NPHP4: variants seen among roughly 807,000 people sequenced by gnomAD.
The protein encoded by NPHP4 is nephrocystin-4.
Under a neutral mutation model 155.8 loss-of-function variants are expected in NPHP4, and 151 were observed. The observed-to-expected ratio is 0.97, with a 90% CI of 0.85 to 1.11. NPHP4 has a LOEUF of 1.11. NPHP4 is among the 50% of genes least tolerant of loss of function. NPHP4 has a pLI of 0.00. For missense variants in NPHP4, 1,956 were observed against 1,925.7 expected (o/e 1.02, Z -0.29); for synonymous variants, 845 against 816.8 (o/e 1.03, Z -0.59).
intron 3 of NPHP4, among the ~76,000 whole-genome samples, chr1:5,973,970 G>A (rs981265372): frequency 2.6e-5 from 4 of 152,218 alleles, no homozygotes; most frequent in Non-Finnish European, 4.4e-5. Flanking sequence ...GCCCTCTGCC[G>A]AGCAACAGCA....
Position 5,862,994 on chromosome 1 carries a change from G to T in NPHP4, c.*271C>A. Reference sequence around the variant, plus strand: ...AACAGCGATAACGAGGGTCCCACATGCGTAGATGGCAGCACCAGAGCCAGA... The same window carrying T: ...AACAGCGATAACGAGGGTCCCACATTCGTAGATGGCAGCACCAGAGCCAGA... On this transcript the variant is annotated 3_prime_UTR_variant, in exon 30 of 30. Coordinates refer to ENST00000378156, the MANE Select transcript of NPHP4 (RefSeq NM_015102.5). 1.9e-6 allele frequency: 1 copy of T among 516,962 alleles called. No homozygotes were observed. The highest frequency in any genetic ancestry group is 3.5e-6 in the Non-Finnish European group (1 of 287,144). The allele number at this position is 516,962 out of a possible 1,614,324, so 32.0% of individuals were successfully genotyped here.
At chr1:5,888,701 C>A in intron 17 of NPHP4, 1 of 1,003,932 alleles carries the variant, frequency 1.0e-6, no homozygotes, top group Non-Finnish European at 1.4e-6. Context: ...CATTTTCCTC[C>A]CAAATCATTA....
Position 5,890,775 on chromosome 1 carries a change from C to A in NPHP4, c.2304+93G>T. On this transcript the variant is annotated intron_variant, in intron 17 of 29. Coordinates refer to ENST00000378156, the MANE Select transcript of NPHP4 (RefSeq NM_015102.5). The surrounding 1 kb of genome is among the most constrained non-coding windows in gnomAD (Gnocchi z 4.9). ...CAAACAAGTCCTGTGCGGGATAGCG[C>A]CCGCTCCTTCCAAGCAGACAGACGC... The A allele has an allele frequency of 7.9e-7, 1 of 1,263,390 alleles. No homozygotes were observed. The highest frequency in any genetic ancestry group is 2.6e-5 in the East Asian group (1 of 39,006). 78.3% of individuals were successfully genotyped at this position (1,263,390 alleles called of 1,614,324 possible). A position where few individuals can be genotyped will look rare whatever the true frequency, so the allele number is the denominator to read the frequency against.
chr1:5,891,515 A>T (rs556692851), intron 16 of NPHP4, among the ~76,000 whole-genome samples: 331 of 152,338 alleles, frequency 2.2e-3, no homozygotes, highest in African/African-American at 7.2e-3. Flanking sequence ...CCCCGTGGGT[A>T]TCCCGGGCTC....
chr1:5,980,632 C>T (rs1420975993), intron 2 of NPHP4, among the ~76,000 whole-genome samples: 4 of 151,968 alleles, frequency 2.6e-5, no homozygotes, highest in Non-Finnish European at 4.4e-5. Context: ...AGGAAGCAGG[C>T]ACCGCTGGGC....
At chr1:5,945,659 G>A (rs564193590) in intron 9 of NPHP4, among the ~76,000 whole-genome samples, 1 of 152,304 alleles carries the variant, frequency 6.6e-6, no homozygotes, top group Non-Finnish European at 1.5e-5. Context: ...CTCCTTCACA[G>A]GCTGTTCCTG....
intron 11 of NPHP4, among the ~76,000 whole-genome samples, chr1:5,917,019 C>T (rs1378692832): frequency 1.3e-5 from 2 of 152,258 alleles, no homozygotes; most frequent in Non-Finnish European, 1.5e-5. Context: ...GCGGCAGTGG[C>T]AGGGAAAGAC....
At chr1:5,868,782 C>T (rs374962193) in intron 23 of NPHP4, among the ~76,000 whole-genome samples, 23 of 130,016 alleles carry the variant, frequency 1.8e-4, no homozygotes, top group Non-Finnish European at 2.6e-4. Context: ...CATGCACACA[C>T]GCACACAATG....
intron 3 of NPHP4, among the ~76,000 whole-genome samples, chr1:5,974,322 G>A (rs1243523950): frequency 6.6e-6 from 1 of 152,142 alleles, no homozygotes; most frequent in African/African-American, 2.4e-5. Flanking sequence ...GGTTTAAGCT[G>A]TTGCTGGAGA....
At chr1:5,926,857 T>C (rs1186437647) in intron 11 of NPHP4, among the ~76,000 whole-genome samples, 1 of 152,204 alleles carries the variant, frequency 6.6e-6, no homozygotes, top group Non-Finnish European at 1.5e-5. Flanking sequence ...TTCCCTATCT[T>C]GCCATCTGGA....
In NPHP4 at chr1:5,890,816, T is replaced by C; in HGVS notation, c.2304+52A>G. 6.4e-7 allele frequency: 1 copy of C among 1,556,106 alleles called. No homozygotes were observed. On this transcript the variant is annotated intron_variant, in intron 17 of 29. Coordinates refer to ENST00000378156, the MANE Select transcript of NPHP4 (RefSeq NM_015102.5). The surrounding 1 kb of genome is among the most constrained non-coding windows in gnomAD (Gnocchi z 4.9). ...AGACAGACGCTGGAAGCGTGACTCGTCCCATGAGGGACGCAGCACCCACTG... is the reference window on the plus strand; with the variant it reads ...AGACAGACGCTGGAAGCGTGACTCGCCCCATGAGGGACGCAGCACCCACTG...
intron 2 of NPHP4, among the ~76,000 whole-genome samples, chr1:5,983,911 C>A (rs1010704294): frequency 6.6e-6 from 1 of 152,114 alleles, no homozygotes; most frequent in African/African-American, 2.4e-5. Flanking sequence ...AACCTGTTTA[C>A]GTCTTTATGC....
chr1:5,911,992 C>T (rs1286314144), intron 11 of NPHP4, among the ~76,000 whole-genome samples: 1 of 152,204 alleles, frequency 6.6e-6, no homozygotes, highest in Non-Finnish European at 1.5e-5. Flanking sequence ...CCTGGGCCAG[C>T]AACTGAACCG....
chr1:5,926,237 C>T (rs1277846026), intron 11 of NPHP4, among the ~76,000 whole-genome samples: 1 of 152,206 alleles, frequency 6.6e-6, no homozygotes, highest in Non-Finnish European at 1.5e-5. Flanking sequence ...CCATCAAATG[C>T]ATCACCTCTA....
At chr1:5,881,603 C>CG (rs1643291601) in intron 18 of NPHP4, 1 of 152,198 alleles carries the variant, frequency 6.6e-6, no homozygotes, top group African/African-American at 2.4e-5. Context: ...TAGAGAGAGG[C>CG]TAGATTTAGA....
intron 7 of NPHP4, 32 bp from the exon 8 acceptor site, chr1:5,948,283 C>A: frequency 2.0e-6 from 3 of 1,499,664 alleles, no homozygotes; most frequent in Non-Finnish European, 2.7e-6. Flanking sequence ...TGAGCCCCGG[C>A]ACAGACGGAA....
intron 27 of NPHP4, 111 bp from the exon 28 acceptor site, chr1:5,864,628 T>C (rs1184419224): frequency 3.7e-6 from 4 of 1,084,548 alleles, no homozygotes; most frequent in Admixed American, 3.0e-5. Context: ...TCATGGGTGG[T>C]TCCGGGGCGG....
At chr1:5,955,796 T>C (rs1649085171) in intron 6 of NPHP4, among the ~76,000 whole-genome samples, 1 of 152,182 alleles carries the variant, frequency 6.6e-6, no homozygotes, top group Non-Finnish European at 1.5e-5. Context: ...CAGTCTAAAT[T>C]CTGCTGTTCC....
Position 5,952,720 on chromosome 1 carries a change from C to A in NPHP4, c.790G>T (p.Val264Phe). The A allele has an allele frequency of 6.4e-7, 1 of 1,556,512 alleles. No homozygotes were observed. Among genetic ancestry groups the A allele is most frequent in the South Asian group, 1.2e-5 (1 of 84,396 alleles). Residue 264 changes from valine to phenylalanine, a missense_variant, in exon 7 of 30, where the codon GTC becomes TTC. Val to Phe is a conservative substitution (Grantham distance 50). Coordinates refer to ENST00000378156, the MANE Select transcript of NPHP4 (RefSeq NM_015102.5). ...CACACCTCCTGGAAGTGGTCCTGGA[C>A]GTGGAGCTCCAGCAGCTCTTCCTCA... ...KFEEELLELH[V>F]QDHFQEGCGP...
Sources: allele counts gnomAD v4.1 joint callset (sites outside exome capture counted in the v4.1 genomes callset), GRCh38; gene constraint gnomAD v4.1.1; non-coding constraint Gnocchi (gnomAD v3.1); transcripts MANE v1.5; gene names NCBI Gene and HGNC (gene_info 2026-07-23, HGNC 2026-07-21).